Variants in DMD observed in about 807,000 individuals in gnomAD.
The protein encoded by DMD is dystrophin, also known as mutant dystrophin.
DMD carries 63 observed loss-of-function variants against 330.1 expected under a neutral mutation model. The ratio of observed to expected loss-of-function variants is 0.19; its 90% confidence interval spans 0.16 to 0.24. The LOEUF (loss-of-function observed/expected upper bound fraction) is 0.24, where lower values mean the gene tolerates loss of function less well. Ranked by LOEUF, DMD falls within the 10% of genes least tolerant of loss-of-function variation. The probability of loss-of-function intolerance (pLI) is 1.00; values close to 1 mark genes in which losing one functional copy is unlikely to be tolerated. For missense variants in DMD, 3,344 were observed against 2,684.1 expected, an observed-to-expected ratio of 1.25 and a Z score of -5.43; for synonymous variants, 1,223 against 959.8, an observed-to-expected ratio of 1.27 and a Z score of -5.07.
intron 52 of DMD, among the ~76,000 whole-genome samples, chrX:31,696,760 A>C (rs2148842640): frequency 8.9e-6 from 1 of 112,208 alleles, no homozygotes; most frequent in African/African-American, 3.2e-5. Flanking sequence ...TAAAAGATGC[A>C]ATCATTCTGC....
intron 50 of DMD, among the ~76,000 whole-genome samples, chrX:31,801,143 A>T (rs1315656639): frequency 3.6e-5 from 4 of 111,770 alleles, no homozygotes; most frequent in Non-Finnish European, 7.5e-5. Context: ...GGTAATTTAT[A>T]AAGAAAAGAG....
At chrX:32,901,920 C>G (rs2086281500) in intron 2 of DMD, among the ~76,000 whole-genome samples, 1 of 109,814 alleles carries the variant, frequency 9.1e-6, no homozygotes, top group Non-Finnish European at 1.9e-5. Context: ...TAATCTTTGG[C>G]TTTATGGAAA....
intron 2 of DMD, among the ~76,000 whole-genome samples, chrX:32,925,494 C>T (rs1547017): frequency 0.34 from 37,385 of 108,929 alleles, 4,936 homozygotes; most frequent in East Asian, 0.65. Flanking sequence ...ACTTTTGGGC[C>T]CCTCAAGTAA....
chrX:32,464,942 T>A (rs1448887248), intron 23 of DMD, among the ~76,000 whole-genome samples: 1 of 112,097 alleles, frequency 8.9e-6, no homozygotes, highest in Non-Finnish European at 1.9e-5. Flanking sequence ...TGTGGTTTTA[T>A]GATGTTACTC....
chrX:32,781,741 C>A (rs1323678525), intron 7 of DMD, among the ~76,000 whole-genome samples: 2 of 110,920 alleles, frequency 1.8e-5, no homozygotes, highest in East Asian at 5.7e-4. Flanking sequence ...CACACACATA[C>A]ATCCGCATAC....
chrX:31,358,072 C>T (rs1281070554), intron 60 of DMD, among the ~76,000 whole-genome samples: 1 of 110,251 alleles, frequency 9.1e-6, no homozygotes, highest in Non-Finnish European at 1.9e-5. Context: ...GTCTTCTTTG[C>T]ACACTTCTGA....
At chrX:32,827,136 A>C (rs2148873303) in intron 4 of DMD, among the ~76,000 whole-genome samples, 1 of 105,412 alleles carries the variant, frequency 9.5e-6, no homozygotes, top group Admixed American at 1.1e-4. Flanking sequence ...TTTCCAATAA[A>C]ATTTATCTAT....
intron 55 of DMD, among the ~76,000 whole-genome samples, chrX:31,593,727 T>TA (rs1236024608): frequency 9.0e-6 from 1 of 110,980 alleles, no homozygotes; most frequent in Non-Finnish European, 1.9e-5. Context: ...GCATGTAATT[T>TA]AAAAAATTGT....
At chrX:32,715,523 A>T (rs911620832) in intron 7 of DMD, among the ~76,000 whole-genome samples, 2 of 103,801 alleles carry the variant, frequency 1.9e-5, no homozygotes. Context: ...GTGGTGGCTT[A>T]TGCCTATAAT....
chrX:33,153,622 G>A (rs978344096), intron 1 of DMD, among the ~76,000 whole-genome samples: 2 of 112,303 alleles, frequency 1.8e-5, no homozygotes, highest in African/African-American at 6.5e-5. Context: ...ATTTAATATT[G>A]AAATATATAA....
intron 1 of DMD, among the ~76,000 whole-genome samples, chrX:33,249,587 C>T (rs950521397): frequency 9.0e-6 from 1 of 111,573 alleles, no homozygotes; most frequent in Non-Finnish European, 1.9e-5. Context: ...AGATACATTG[C>T]ACTCTTGGCC....
chrX:31,686,963 T>C (rs192229178), intron 52 of DMD, among the ~76,000 whole-genome samples: 3 of 111,606 alleles, frequency 2.7e-5, no homozygotes, highest in Admixed American at 9.5e-5. Context: ...TTGTCTTGCA[T>C]CTTGGATACC....
At chrX:31,891,902 TA>T (rs1430512388) in intron 47 of DMD, among the ~76,000 whole-genome samples, 5 of 111,780 alleles carry the variant, frequency 4.5e-5, no homozygotes, top group Non-Finnish European at 5.6e-5. Context: ...GTACGAGAAA[TA>T]AAAAAACTTT....
chrX:32,062,903 C>A, intron 44 of DMD, among the ~76,000 whole-genome samples: 1 of 105,096 alleles, frequency 9.5e-6, no homozygotes, highest in Non-Finnish European at 2.0e-5. Flanking sequence ...GGATTAGAAA[C>A]TGATTATTGA....
intron 12 of DMD, among the ~76,000 whole-genome samples, chrX:32,609,933 C>T (rs1321031228): frequency 9.0e-6 from 1 of 111,133 alleles, no homozygotes; most frequent in Non-Finnish European, 1.9e-5. Context: ...AACTTCATCG[C>T]AGTCTCACTG....
At chrX:32,515,981 A>T (rs1445142497) in intron 18 of DMD, among the ~76,000 whole-genome samples, 1 of 111,549 alleles carries the variant, frequency 9.0e-6, no homozygotes, top group Non-Finnish European at 1.9e-5. Context: ...AATATGTGAA[A>T]TTGAACTGAT....
Position 32,479,566 on chromosome X carries a change from G to C in DMD, c.2803+5353C>G, listed in dbSNP as rs1226642887. Among the ~76,000 whole-genome samples, 3 of 110,053 alleles carry C rather than the reference G, an allele frequency of 2.7e-5. No individual in the cohort carries two copies. In the Admixed American group the frequency reaches 2.9e-4, roughly 11 times the overall value. On this transcript the variant is annotated intron_variant, in intron 21 of 78. Transcript: ENST00000357033. ...TTCTTTGCCTGGCTCATTTCAGCTA[G>C]CCTAATGTCCGCCAGTTCTATCTAC...
intron 57 of DMD, among the ~76,000 whole-genome samples, chrX:31,479,451 T>G (rs748675754): frequency 8.9e-6 from 1 of 111,997 alleles, no homozygotes; most frequent in East Asian, 2.8e-4. Context: ...GCATGGCTAA[T>G]GAGGACTTAA....
intron 60 of DMD, among the ~76,000 whole-genome samples, chrX:31,360,584 G>C (rs2058887517): frequency 8.9e-6 from 1 of 112,329 alleles, no homozygotes; most frequent in African/African-American, 3.2e-5. Context: ...GAAAACAAGA[G>C]ATGTTCTGTG....
Sources: allele counts gnomAD v4.1 joint callset (sites outside exome capture counted in the v4.1 genomes callset), GRCh38; gene constraint gnomAD v4.1.1; transcripts MANE v1.5; gene names NCBI Gene and HGNC (gene_info 2026-07-23, HGNC 2026-07-21).